The following BAZ2B variants were observed in gnomAD, a reference collection of about 807,000 sequenced individuals.
The protein encoded by BAZ2B is bromodomain adjacent to zinc finger domain protein 2B.
In BAZ2B, 91 loss-of-function variants were observed where a neutral mutation model predicts 246.0. That is an observed-to-expected ratio of 0.37 (90% CI 0.31 to 0.44). The LOEUF (loss-of-function observed/expected upper bound fraction) is 0.44. Ranked by LOEUF, BAZ2B falls within the 20% of genes least tolerant of loss-of-function variation. The pLI is 1.00. For synonymous variants in BAZ2B, 855 were observed against 860.0 expected, an observed-to-expected ratio of 0.99 and a Z score of 0.10; for missense variants, 2,332 against 2,533.7, an observed-to-expected ratio of 0.92 and a Z score of 1.71.
At chr2:159,608,618 G>C (rs986349119) in intron 1 of BAZ2B, among the ~76,000 whole-genome samples, 5 of 152,070 alleles carry the variant, frequency 3.3e-5, no homozygotes, top group African/African-American at 1.2e-4. Context: ...TAAATGAAAG[G>C]ACAATAGTCA....
At chr2:159,322,686 T>C (rs1249190766) in intron 36 of BAZ2B, among the ~76,000 whole-genome samples, 1 of 152,182 alleles carries the variant, frequency 6.6e-6, no homozygotes, top group Non-Finnish European at 1.5e-5. Flanking sequence ...GTCCTTCCTT[T>C]ATGGGATGGG....
chr2:159,410,162 T>C (rs1401984212), intron 14 of BAZ2B, among the ~76,000 whole-genome samples: 1 of 152,226 alleles, frequency 6.6e-6, no homozygotes, highest in East Asian at 1.9e-4. Flanking sequence ...TAAACATTAT[T>C]CAGAAGGGTC....
At chr2:159,484,712 C>G (rs1468267029) in intron 2 of BAZ2B, among the ~76,000 whole-genome samples, 1 of 152,190 alleles carries the variant, frequency 6.6e-6, no homozygotes, top group East Asian at 1.9e-4. Context: ...AGGTGTAAAC[C>G]TGAACAGGTG....
Position 159,540,381 on chromosome 2 carries a change from G to A in BAZ2B, c.-3+15442C>T, listed in dbSNP as rs781512582. 1.6e-4 allele frequency among the ~76,000 whole-genome samples: 25 copies of A among 152,076 alleles called. 1 individual carries two copies. The highest frequency in any genetic ancestry group is 1.3e-4 in the Non-Finnish European group (9 of 68,018). Reference sequence around the variant, plus strand: ...ACTGAATATCAATACTACAACTGAGGTACACAAAAATAAAGATAATTAAAT... The same window carrying A: ...ACTGAATATCAATACTACAACTGAGATACACAAAAATAAAGATAATTAAAT... On this transcript the variant is annotated intron_variant, in intron 2 of 36. Transcript: ENST00000392783.
intron 2 of BAZ2B, among the ~76,000 whole-genome samples, chr2:159,530,982 C>A (rs2085322667): frequency 6.6e-6 from 1 of 151,916 alleles, no homozygotes; most frequent in South Asian, 2.1e-4. Flanking sequence ...AACAAACAAA[C>A]AAACAAAAAG....
chr2:159,515,778 T>G (rs1405864934), intron 2 of BAZ2B, among the ~76,000 whole-genome samples: 1 of 152,110 alleles, frequency 6.6e-6, no homozygotes, highest in African/African-American at 2.4e-5. Context: ...TAACATTGTT[T>G]TTATATCATA....
At chr2:159,647,674 C>A in the BAZ2B span, among the ~76,000 whole-genome samples, 1 of 152,090 alleles carries the variant, frequency 6.6e-6, no homozygotes, top group Admixed American at 6.6e-5. Flanking sequence ...GACAAGAAGA[C>A]AACACAACTA....
At chr2:159,422,734 A>G (rs772069254) in intron 13 of BAZ2B, among the ~76,000 whole-genome samples, 9 of 152,198 alleles carry the variant, frequency 5.9e-5, no homozygotes, top group Non-Finnish European at 8.8e-5. Flanking sequence ...GACCTAATTA[A>G]ACTAGAGCTT....
At chr2:159,428,182 T>A in intron 12 of BAZ2B, 129 bp downstream of exon 12, 1 of 1,091,304 alleles carries the variant, frequency 9.2e-7, no homozygotes, top group Non-Finnish European at 1.3e-6. Flanking sequence ...TTAGGTTAAG[T>A]ACAATAGTCC....
intron 27 of BAZ2B, among the ~76,000 whole-genome samples, chr2:159,363,982 G>C (rs936135057): frequency 1.3e-5 from 2 of 152,158 alleles, no homozygotes; most frequent in Admixed American, 1.3e-4. Context: ...AAGTGGCATT[G>C]CTGGTGGGAA....
At chr2:159,430,700 T>C (rs567785582) in intron 10 of BAZ2B, among the ~76,000 whole-genome samples, 163 bp downstream of exon 10, 1 of 152,320 alleles carries the variant, frequency 6.6e-6, no homozygotes, top group South Asian at 2.1e-4. Context: ...GACCAGGTAA[T>C]GAGTCATATC....
the BAZ2B span, among the ~76,000 whole-genome samples, chr2:159,659,760 A>G: frequency 6.6e-6 from 1 of 152,178 alleles, no homozygotes; most frequent in Non-Finnish European, 1.5e-5. Flanking sequence ...TCAAGAATTA[A>G]TGTTTCTCAA....
chr2:159,467,583 T>C (rs768596378), intron 3 of BAZ2B, among the ~76,000 whole-genome samples: 1 of 152,172 alleles, frequency 6.6e-6, no homozygotes, highest in Non-Finnish European at 1.5e-5. Flanking sequence ...CTAGGAAAGA[T>C]GATATTTGGA....
At chr2:159,462,274 C>G in intron 3 of BAZ2B, 1 of 628,216 alleles carries the variant, frequency 1.6e-6, no homozygotes, top group South Asian at 1.9e-5. Flanking sequence ...GGTTAGAAAA[C>G]TGGTTAACTT....
intron 9 of BAZ2B, among the ~76,000 whole-genome samples, chr2:159,432,146 G>A (rs2071246187): frequency 6.6e-6 from 1 of 151,942 alleles, no homozygotes; most frequent in African/African-American, 2.4e-5. Context: ...TTTATAATAT[G>A]TATTTCATTT....
intron 1 of BAZ2B, among the ~76,000 whole-genome samples, chr2:159,589,740 A>G (rs13019624): frequency 0.062 from 9,499 of 152,246 alleles, 392 homozygotes; most frequent in Middle Eastern, 0.14. Flanking sequence ...TAATCCATAA[A>G]CAAATATACA....
chr2:159,411,849 TATA>T (rs776766594), intron 14 of BAZ2B: 1 of 615,622 alleles, frequency 1.6e-6, no homozygotes, highest in Non-Finnish European at 2.0e-6. Flanking sequence ...ATTCTGAAAA[TATA>T]TATACTATAT....
downstream of BAZ2B, among the ~76,000 whole-genome samples, chr2:159,316,184 G>A (rs536231337): frequency 6.6e-6 from 1 of 152,168 alleles, no homozygotes; most frequent in Non-Finnish European, 1.5e-5. Flanking sequence ...AAGTAACACA[G>A]AGGGGCTTTG....
At chr2:159,672,790 G>C in the BAZ2B span, among the ~76,000 whole-genome samples, 1 of 152,126 alleles carries the variant, frequency 6.6e-6, no homozygotes, top group Non-Finnish European at 1.5e-5. Flanking sequence ...AAATAATGTT[G>C]AGATAACTAG....
Sources: gnomAD v4.1 joint callset for allele counts (sites outside exome capture counted in the v4.1 genomes callset) on GRCh38, gnomAD v4.1.1 for gene constraint, MANE v1.5 for transcripts, NCBI Gene and HGNC (gene_info 2026-07-23, HGNC 2026-07-21) for gene names.